Variants in LHX3 observed in about 807,000 individuals in gnomAD.
The protein encoded by LHX3 is LIM homeobox 3, also known as LIM/homeobox protein Lhx3.
In LHX3, 21 loss-of-function variants were observed where a neutral mutation model predicts 32.4. The observed-to-expected ratio is 0.65, with a 90% CI of 0.46 to 0.93. LHX3 has a LOEUF of 0.93. LHX3 is among the 40% of genes least tolerant of loss of function. LHX3 has a pLI of 0.00. For missense variants in LHX3, 626 were observed against 560.0 expected, an observed-to-expected ratio of 1.12 and a Z score of -1.19; for synonymous variants, 258 against 246.8, an observed-to-expected ratio of 1.05 and a Z score of -0.43.
rs1588627325 is a variant in LHX3, at chr9:136,201,392, CAG to C, written c.80-641_80-640del. 2.1e-5 allele frequency: 26 copies of C among 1,234,494 alleles called. No individual in the cohort carries two copies. In the East Asian group the frequency reaches 7.6e-4, roughly 36 times the overall value. 76.5% of individuals were successfully genotyped at this position (1,234,494 alleles called of 1,614,324 possible). On this transcript the variant is annotated intron_variant, in intron 1 of 5. Coordinates refer to ENST00000371748, the MANE Select transcript of LHX3 (RefSeq NM_178138.6). ...CAGGCGTGGGTGCCCCCAACACCGTCAGAGTTACTCAAACGTCTGGCTTCCCG... is the reference window on the plus strand; with the variant it reads ...CAGGCGTGGGTGCCCCCAACACCGTCAGTTACTCAAACGTCTGGCTTCCCG...
At chr9:136,199,148 C>T (rs1831574691) in intron 3 of LHX3, 89 bp from the exon 4 acceptor site, 2 of 728,632 alleles carry the variant, frequency 2.7e-6, no homozygotes, top group Non-Finnish European at 3.7e-6. Flanking sequence ...GCGGGGACGT[C>T]GGGGCCTCAG....
chr9:136,203,155 T>G (rs1831686718), intron 1 of LHX3: 2 of 1,306,804 alleles, frequency 1.5e-6, no homozygotes, highest in Non-Finnish European at 9.7e-7. Context: ...TGCTGGGCGC[T>G]GCGCCCGCGG....
At chr9:136,204,727 C>T (rs1196291149) in intron 1 of LHX3, among the ~76,000 whole-genome samples, 1 of 152,190 alleles carries the variant, frequency 6.6e-6, no homozygotes, top group Non-Finnish European at 1.5e-5. Context: ...TCCACTCCAA[C>T]CGCTGTCCCG....
rs368909922 is a variant in LHX3 at position 136,204,530 on chromosome 9, T to A, written c.79+404A>T. ...TTTCCCAGCGTCCGTGGTGATGGAATGGCCCTTGGGGAGGGTGGTTCAGGC... is the reference window on the plus strand; with the variant it reads ...TTTCCCAGCGTCCGTGGTGATGGAAAGGCCCTTGGGGAGGGTGGTTCAGGC... On this transcript the variant is annotated intron_variant, in intron 1 of 5. Coordinates refer to ENST00000371748, the MANE Select transcript of LHX3 (RefSeq NM_178138.6). Among the ~76,000 whole-genome samples, 74 of 152,228 alleles carry A rather than the reference T, an allele frequency of 4.9e-4. 1 individual carries two copies. In the East Asian group the frequency reaches 0.014, roughly 28 times the overall value.
intron 5 of LHX3, 70 bp downstream of exon 5, chr9:136,198,582 T>TCCCTGGGAC (rs1831549927): frequency 1.3e-6 from 2 of 1,497,468 alleles, no homozygotes; most frequent in Non-Finnish European, 1.8e-6. Flanking sequence ...ATCCGCGGGC[T>TCCCTGGGAC]CCCTGGGACC....
intron 1 of LHX3, 57 bp downstream of exon 1, chr9:136,204,877 T>TC (rs1831720311): frequency 7.0e-7 from 1 of 1,437,510 alleles, no homozygotes; most frequent in Admixed American, 2.0e-5. Flanking sequence ...CGCACCCCCT[T>TC]CCTCGCGCCT....
rs202124276 is a variant in LHX3 at position 136,204,992 on chromosome 9, G to A, written c.21C>T (p.Leu7=). 12 of 1,591,264 alleles carry A rather than the reference G, an allele frequency of 7.5e-6. No individual in the cohort carries two copies. Among genetic ancestry groups the A allele is most frequent in the East Asian group, 6.8e-5 (3 of 44,248 alleles). The part of the protein sequence containing the change: MLLETG[L]ERDRARPGAA... ...CCCCGGGCCTCGCTCGGTCGCGCTC[G>A]AGCCCCGTTTCCAGCAGCATCGCGG... Residue 7 remains leucine (L), a synonymous_variant, in exon 1 of 6, where the codon CTC becomes CTT. Transcript: ENST00000371748.
intron 1 of LHX3, chr9:136,201,467 G>T (rs1324487959): frequency 8.2e-7 from 1 of 1,213,756 alleles, no homozygotes; most frequent in Non-Finnish European, 1.0e-6. Flanking sequence ...GCCCCCTGGA[G>T]GAACCACACT....
Position 136,197,738 on chromosome 9 carries a change from G to T in LHX3, c.781C>A (p.Pro261Thr), listed in dbSNP as rs765808073. The T allele has an allele frequency of 5.0e-6, 8 of 1,601,396 alleles. No individual in the cohort carries two copies. The Admixed American group carries it at 1.3e-4, about 27-fold the overall frequency. ...SDAEVSFPDE[P>T]SLAEMGPANG... The stretch of plus-strand genomic sequence containing the variant: ...GCCGGGCCCATTTCCGCCAAGGAAG[G>T]CTCATCTGCAACAGAAGCAGAGGCT... The change falls in exon 6 of 6, where the codon CCT (proline) becomes ACT (threonine). Residue 261 changes from proline to threonine, a missense_variant. By Grantham distance (38) the Pro-to-Thr change is conservative. Transcript: ENST00000371748.
chr9:136,197,799 A>G, intron 5 of LHX3, 56 bp from the exon 6 acceptor site: 1 of 1,581,508 alleles, frequency 6.3e-7, no homozygotes, highest in Non-Finnish European at 8.6e-7. Context: ...GGCCCCTCAG[A>G]GTCCCATCCT....
In LHX3 at chr9:136,198,747, T is replaced by TA. The variant is rs752737539; in HGVS notation, c.679dup (p.Tyr227LeufsTer28). 4.8e-5 allele frequency: 78 copies of TA among 1,611,404 alleles called. No homozygotes were observed. Among genetic ancestry groups the TA allele is most frequent in the Non-Finnish European group, 6.5e-5 (77 of 1,179,818 alleles). ...GCGGGAGCGCTTCATGTTGCGGAAA[T>TA]ACTGCCCCCAGCGCTGCCGGCCGGC... On this transcript the variant is annotated frameshift_variant, in exon 5 of 6. Coordinates refer to ENST00000371748, the MANE Select transcript of LHX3 (RefSeq NM_178138.6). LOFTEE classifies it high-confidence loss of function.
Position 136,202,952 on chromosome 9 carries a change from G to A in LHX3, c.79+1982C>T, listed in dbSNP as rs747256261. On this transcript the variant is annotated intron_variant, in intron 1 of 5. Transcript: ENST00000371748. ...ACTCGGCCCGGGCACCCACCTCGGCGCAGGTCCGCCCTCCGCGCCAGCAGT... is the reference window on the plus strand; with the variant it reads ...ACTCGGCCCGGGCACCCACCTCGGCACAGGTCCGCCCTCCGCGCCAGCAGT... 7 of 1,532,134 alleles carry A rather than the reference G, an allele frequency of 4.6e-6. No individual in the cohort carries two copies. In the East Asian group the frequency reaches 1.5e-4, roughly 32 times the overall value. The allele number at this position is 1,532,134 out of a possible 1,614,324, so 94.9% of individuals were successfully genotyped here.
chr9:136,204,508 C>T (rs1176501503), intron 1 of LHX3, among the ~76,000 whole-genome samples: 1 of 152,164 alleles, frequency 6.6e-6, no homozygotes, highest in Non-Finnish European at 1.5e-5. Flanking sequence ...TCCATTATTT[C>T]CCAGCGTCCG....
rs746634144 is a variant in LHX3 at position 136,200,014 on chromosome 9, C to T, written c.252-134G>A. 6.3e-6 allele frequency: 6 copies of T among 959,912 alleles called. No homozygotes were observed. In the African/African-American group the frequency reaches 9.8e-5, roughly 16 times the overall value. The allele number at this position is 959,912 out of a possible 1,614,324, so 59.5% of individuals were successfully genotyped here. ...GCTCTGTCCGGCCCTGCAGGGTGGT[C>T]GCCAGCCTGGCCGCCGGGGCAGAGC... On this transcript the variant is annotated intron_variant, in intron 2 of 5. Transcript: ENST00000371748.
rs1338309011 is a variant in LHX3, at chr9:136,203,002, G to A, written c.79+1932C>T. 4 of 1,524,868 alleles carry A rather than the reference G, an allele frequency of 2.6e-6. No individual in the cohort carries two copies. The highest frequency in any genetic ancestry group is 2.0e-5 in the Admixed American group (1 of 50,404). 94.5% of individuals were successfully genotyped at this position (1,524,868 alleles called of 1,614,324 possible). A position where few individuals can be genotyped will look rare whatever the true frequency, so the allele number is the denominator to read the frequency against. ...TGCTAGCAGCAGGTCGCCTCCCGCC[G>A]ACTCCCGGGCCGGGCCCAGCTCCCC... On this transcript the variant is annotated intron_variant, in intron 1 of 5. Coordinates refer to ENST00000371748, the MANE Select transcript of LHX3 (RefSeq NM_178138.6).
Position 136,200,684 on chromosome 9 carries a change from T to G in LHX3, c.149A>C (p.His50Pro). The change falls in exon 2 of 6, where the codon CAC becomes CCC. Residue 50 changes from histidine to proline, a missense_variant. Transcript: ENST00000371748. ...GCACTTGAGACACTTGCTGTGCCAGTGGCGGTCCAGAGCCTTGAGGATGAA... is the reference window on the plus strand; with the variant it reads ...GCACTTGAGACACTTGCTGTGCCAGGGGCGGTCCAGAGCCTTGAGGATGAA... ...DRFILKALDR[H>P]WHSKCLKCSD... is the part of the protein sequence containing the mutation. 1 of 1,613,584 alleles carries G rather than the reference T, an allele frequency of 6.2e-7. No homozygotes were observed. Among genetic ancestry groups the G allele is most frequent in the Non-Finnish European group, 8.5e-7 (1 of 1,180,030 alleles).
At chr9:136,203,016 G>T (rs1588628322) in intron 1 of LHX3, 2 of 1,521,976 alleles carry the variant, frequency 1.3e-6, no homozygotes, top group Non-Finnish European at 1.8e-6. Context: ...CCCGGGCCGG[G>T]CCCAGCTCCC....
At chr9:136,197,852 C>T (rs1831536071) in intron 5 of LHX3, 109 bp from the exon 6 acceptor site, 6 of 1,187,046 alleles carry the variant, frequency 5.1e-6, no homozygotes, top group Non-Finnish European at 7.3e-6. Context: ...GTGGCTGCCC[C>T]ACACCACATG....
Position 136,199,846 on chromosome 9 carries a change from C to T in LHX3, c.286G>A (p.Gly96Ser), listed in dbSNP as rs752971215. 5 of 1,605,538 alleles carry T rather than the reference C, an allele frequency of 3.1e-6. No individual in the cohort carries two copies. The Admixed American group carries it at 5.1e-5, about 16-fold the overall frequency. The change falls in exon 3 of 6, where the codon GGC becomes AGC. Residue 96 changes from glycine to serine, a missense_variant. By Grantham distance (56) the Gly-to-Ser change is moderately conservative (BLOSUM62 0). Transcript: ENST00000371748. Reference protein sequence around the residue: ...FGTKCAACQLGIPPTQVVRRA... With the variant: ...FGTKCAACQLSIPPTQVVRRA... ...CGCACCACCTGCGTGGGCGGGATGC[C>T]CAGCTGGCACGCGGCGCACTTGGTC... is the stretch of plus-strand genomic sequence containing the variant.
Sources: gnomAD v4.1 joint callset for allele counts (sites outside exome capture counted in the v4.1 genomes callset) on GRCh38, gnomAD v4.1.1 for gene constraint, MANE v1.5 for transcripts, NCBI Gene and HGNC (gene_info 2026-07-23, HGNC 2026-07-21) for gene names.